Variants in REDIC1 observed in about 807,000 individuals in gnomAD.
REDIC1 encodes the protein regulator of DNA class I crossover intermediates 1.
chr12:39,705,294 C>T, the REDIC1 span, among the ~76,000 whole-genome samples: 4 of 151,992 alleles, frequency 2.6e-5, no homozygotes, highest in Non-Finnish European at 4.4e-5. Flanking sequence ...AGTCCAATAA[C>T]GAGTAACTAG....
chr12:39,868,948 A>T, the REDIC1 span, among the ~76,000 whole-genome samples: 1 of 152,182 alleles, frequency 6.6e-6, no homozygotes, highest in African/African-American at 2.4e-5. Context: ...ACAAAAAATC[A>T]TCTTGATATA....
At chr12:39,863,977 C>T in the REDIC1 span, among the ~76,000 whole-genome samples, 1 of 152,150 alleles carries the variant, frequency 6.6e-6, no homozygotes, top group Non-Finnish European at 1.5e-5. Flanking sequence ...AAGGAATATA[C>T]ATTTTTGTTA....
the REDIC1 span, among the ~76,000 whole-genome samples, chr12:39,669,776 G>A: frequency 6.6e-6 from 1 of 152,218 alleles, no homozygotes; most frequent in African/African-American, 2.4e-5. Context: ...CAGCCTGGCT[G>A]CCGCCTTGCA....
At chr12:39,696,893 AAAAAT>A in the REDIC1 span, among the ~76,000 whole-genome samples, 15 of 152,310 alleles carry the variant, frequency 9.8e-5, no homozygotes, top group Non-Finnish European at 1.3e-4. Flanking sequence ...AGACAAAAGA[AAAAAT>A]AAAAAAGAAT....
At chr12:39,648,381 A>G in the REDIC1 span, among the ~76,000 whole-genome samples, 3 of 151,784 alleles carry the variant, frequency 2.0e-5, no homozygotes, top group Non-Finnish European at 4.4e-5. Context: ...ATGTCGTAGT[A>G]GTCTCTTAAA....
the REDIC1 span, among the ~76,000 whole-genome samples, chr12:39,797,461 A>G: frequency 3.9e-5 from 6 of 152,210 alleles, no homozygotes; most frequent in Non-Finnish European, 8.8e-5. Flanking sequence ...AAATAACAGC[A>G]ATATGGGAAA....
chr12:39,855,289 C>T, the REDIC1 span, among the ~76,000 whole-genome samples: 8 of 152,088 alleles, frequency 5.3e-5, no homozygotes, highest in Admixed American at 3.9e-4. Flanking sequence ...TTTTATATAA[C>T]AAGTTTATTT....
chr12:39,732,671 C>T, the REDIC1 span, among the ~76,000 whole-genome samples: 1 of 152,186 alleles, frequency 6.6e-6, no homozygotes, highest in East Asian at 1.9e-4. Context: ...TTCAAAATAA[C>T]CAGTAGGCTC....
chr12:39,691,995 A>G, the REDIC1 span: 29 of 1,430,464 alleles, frequency 2.0e-5, no homozygotes, highest in Admixed American at 6.3e-4. Flanking sequence ...GGTAGATATA[A>G]GTGAATATTA....
the REDIC1 span, among the ~76,000 whole-genome samples, chr12:39,801,715 T>C: frequency 6.6e-6 from 1 of 152,190 alleles, no homozygotes; most frequent in Non-Finnish European, 1.5e-5. Flanking sequence ...ATTTAAACTG[T>C]CTGGGATTCA....
the REDIC1 span, among the ~76,000 whole-genome samples, chr12:39,685,670 G>T: frequency 6.6e-6 from 1 of 151,710 alleles, no homozygotes; most frequent in Non-Finnish European, 1.5e-5. Context: ...TTCCCATATT[G>T]CAAAATACAA....
the REDIC1 span, among the ~76,000 whole-genome samples, chr12:39,655,763 T>C: frequency 2.1e-3 from 320 of 152,274 alleles, 1 homozygote; most frequent in South Asian, 2.9e-3. Context: ...AAGGGATAGC[T>C]CCAGGCTATA....
At chr12:39,646,168 T>C in the REDIC1 span, among the ~76,000 whole-genome samples, 1 of 152,056 alleles carries the variant, frequency 6.6e-6, no homozygotes, top group Admixed American at 6.6e-5. Context: ...TCTCTGATAG[T>C]TGTTTATATT....
the REDIC1 span, among the ~76,000 whole-genome samples, chr12:39,753,481 A>C: frequency 1.3e-5 from 2 of 152,190 alleles, no homozygotes; most frequent in African/African-American, 4.8e-5. Context: ...TGTTCTTTTC[A>C]TCAACTGCCA....
the REDIC1 span, among the ~76,000 whole-genome samples, chr12:39,896,312 A>G: frequency 8.5e-5 from 11 of 129,456 alleles, no homozygotes; most frequent in South Asian, 8.0e-4. Flanking sequence ...ATGTATACAT[A>G]TATGTATGTA....
chr12:39,764,991 A>T, the REDIC1 span: 2 of 1,022,262 alleles, frequency 2.0e-6, no homozygotes, highest in African/African-American at 3.3e-5. Context: ...TTAAAAAATA[A>T]GAACTAAATA....
At chr12:39,848,875 C>T in the REDIC1 span, among the ~76,000 whole-genome samples, 1 of 152,150 alleles carries the variant, frequency 6.6e-6, no homozygotes, top group African/African-American at 2.4e-5. Flanking sequence ...TTTGCAGGAA[C>T]ATGGATGGAG....
the REDIC1 span, among the ~76,000 whole-genome samples, chr12:39,794,986 G>A: frequency 6.6e-6 from 1 of 152,122 alleles, no homozygotes; most frequent in African/African-American, 2.4e-5. Context: ...CTGTTCAGCA[G>A]TCTCATTCTA....
the REDIC1 span, among the ~76,000 whole-genome samples, chr12:39,701,177 G>C: frequency 6.6e-6 from 1 of 152,162 alleles, no homozygotes; most frequent in Admixed American, 6.5e-5. Flanking sequence ...TCAGTGTGCT[G>C]TATTCAGGAA....
Sources: gnomAD v4.1 joint callset for allele counts (sites outside exome capture counted in the v4.1 genomes callset) on GRCh38, gnomAD v4.1.1 for gene constraint, MANE v1.5 for transcripts, NCBI Gene and HGNC (gene_info 2026-07-23, HGNC 2026-07-21) for gene names.